DGKB: variants seen among roughly 807,000 people sequenced by gnomAD.
DGKB encodes diacylglycerol kinase beta.
A neutral mutation model predicts 114.3 loss-of-function variants in DGKB; 67 were observed. The ratio of observed to expected loss-of-function variants is 0.59; its 90% CI spans 0.48 to 0.72. The LOEUF is 0.72. Among genes scored for constraint, DGKB ranks in the 30% least tolerant of loss-of-function variants. The probability of loss-of-function intolerance (pLI) is 0.00; values close to 1 mark genes in which losing one functional copy is unlikely to be tolerated. For missense variants in DGKB, 907 were observed against 975.2 expected (o/e 0.93, Z 0.93); for synonymous variants, 398 against 323.1 (o/e 1.23, Z -2.49).
chr7:14,283,928 C>A (rs1338573904), intron 23 of DGKB, among the ~76,000 whole-genome samples: 1 of 152,058 alleles, frequency 6.6e-6, no homozygotes, highest in Admixed American at 6.6e-5. Flanking sequence ...AAAACCTAGG[C>A]ATTACCATTC....
chr7:14,163,909 C>T (rs13227504), intron 25 of DGKB, among the ~76,000 whole-genome samples: 6,077 of 151,952 alleles, frequency 0.04, 185 homozygotes, highest in Non-Finnish European at 0.064. Context: ...GCAGGAGAAT[C>T]GCTTGAACCT....
intron 17 of DGKB, among the ~76,000 whole-genome samples, chr7:14,602,115 A>G (rs1803658882): frequency 6.6e-6 from 1 of 152,208 alleles, no homozygotes; most frequent in Admixed American, 6.5e-5. Flanking sequence ...TAGCAGCTAT[A>G]ACAAACTACT....
chr7:14,758,063 A>T (rs1226564571), intron 2 of DGKB, among the ~76,000 whole-genome samples: 1 of 152,106 alleles, frequency 6.6e-6, no homozygotes, highest in Admixed American at 6.6e-5. Context: ...CTCTGTATAC[A>T]TAACACAACT....
At chr7:14,704,381 G>C (rs1324173230) in intron 6 of DGKB, among the ~76,000 whole-genome samples, 2 of 149,380 alleles carry the variant, frequency 1.3e-5, no homozygotes, top group African/African-American at 5.0e-5. Context: ...CAGGGAGGCG[G>C]AGCTTGCAGT....
At chr7:14,192,475 T>G (rs1037376609) in intron 23 of DGKB, among the ~76,000 whole-genome samples, 25 of 152,250 alleles carry the variant, frequency 1.6e-4, no homozygotes, top group African/African-American at 5.5e-4. Flanking sequence ...CACAAATAAA[T>G]GGAAAGACAT....
intron 20 of DGKB, 42 bp downstream of exon 20, chr7:14,574,170 T>C (rs1187082626): frequency 2.0e-6 from 3 of 1,517,796 alleles, no homozygotes; most frequent in African/African-American, 1.4e-5. Flanking sequence ...ACTGTGATTA[T>C]ACAGTACAGG....
At position 14,496,350 on chromosome 7, in the gene DGKB, AAGAT is replaced by A. The variant is rs572811651; in HGVS notation, c.1771-18129_1771-18126del. 4.1e-3 allele frequency among the ~76,000 whole-genome samples: 629 copies of A among 151,870 alleles called. 12 individuals are homozygous for A. Among genetic ancestry groups the A allele is most frequent in the Non-Finnish European group, 8.1e-4 (55 of 67,778 alleles). On this transcript the variant is annotated intron_variant, in intron 20 of 25. Coordinates refer to ENST00000402815, the MANE Select transcript of DGKB (RefSeq NM_001350709.2). ...AAAATATAAAAGTTTAAAAGGTGGT[AAGAT>A]AGATGGATGGGTATTTGTTTCTCAG...
chr7:14,948,989 G>A (rs1273271124), intron 1 of DGKB, among the ~76,000 whole-genome samples: 2 of 151,708 alleles, frequency 1.3e-5, no homozygotes, highest in Admixed American at 6.6e-5. Context: ...GAACCCAGAT[G>A]AGTGATTTAA....
chr7:14,263,191 A>G (rs995808133), intron 23 of DGKB, among the ~76,000 whole-genome samples: 2 of 152,158 alleles, frequency 1.3e-5, no homozygotes, highest in East Asian at 1.9e-4. Flanking sequence ...ACCGTTTTCT[A>G]TGTGCCCGAG....
intron 23 of DGKB, among the ~76,000 whole-genome samples, chr7:14,308,199 T>C (rs1329323819): frequency 1.3e-5 from 2 of 152,104 alleles, no homozygotes; most frequent in Non-Finnish European, 2.9e-5. Flanking sequence ...TTTCATGTCA[T>C]AAACATTTTC....
At chr7:14,520,571 T>C (rs1018180359) in intron 20 of DGKB, among the ~76,000 whole-genome samples, 6 of 152,028 alleles carry the variant, frequency 3.9e-5, no homozygotes, top group African/African-American at 1.2e-4. Flanking sequence ...TTTGTGGTTT[T>C]TTTTGATCCA....
At chr7:14,942,835 C>G (rs1460549276) in intron 1 of DGKB, among the ~76,000 whole-genome samples, 1 of 151,996 alleles carries the variant, frequency 6.6e-6, no homozygotes, top group Non-Finnish European at 1.5e-5. Context: ...ATACCTTTTG[C>G]ATTTCACTTG....
intron 20 of DGKB, among the ~76,000 whole-genome samples, chr7:14,572,882 G>A (rs62443552): frequency 0.014 from 2,160 of 152,248 alleles, 47 homozygotes; most frequent in Middle Eastern, 0.024. Context: ...GGTTACATGA[G>A]TAAGTCCTTT....
chr7:14,476,953 T>G (rs1033470432), intron 21 of DGKB, among the ~76,000 whole-genome samples: 1 of 151,996 alleles, frequency 6.6e-6, no homozygotes, highest in African/African-American at 2.4e-5. Flanking sequence ...GGTTTCCTCA[T>G]GTTGGTCAGG....
intron 17 of DGKB, among the ~76,000 whole-genome samples, chr7:14,605,539 T>C (rs1453379372): frequency 6.6e-6 from 1 of 151,768 alleles, no homozygotes; most frequent in Non-Finnish European, 1.5e-5. Context: ...TTTAAATTTT[T>C]TTCTAAATAA....
chr7:14,500,765 G>C (rs558094658), intron 20 of DGKB, among the ~76,000 whole-genome samples: 1 of 151,934 alleles, frequency 6.6e-6, no homozygotes, highest in South Asian at 2.1e-4. Context: ...TACTGGTGAA[G>C]ATTTGAAGGA....
chr7:14,886,203 G>C (rs567954195), intron 1 of DGKB, among the ~76,000 whole-genome samples: 1 of 151,822 alleles, frequency 6.6e-6, no homozygotes, highest in Non-Finnish European at 1.5e-5. Flanking sequence ...AAGATTAAAA[G>C]ATAGAATTTC....
chr7:14,391,621 C>G (rs1821335220), intron 21 of DGKB, among the ~76,000 whole-genome samples: 1 of 152,028 alleles, frequency 6.6e-6, no homozygotes, highest in Non-Finnish European at 1.5e-5. Flanking sequence ...ATCACTTGAG[C>G]CTGGCAGGTT....
intron 1 of DGKB, among the ~76,000 whole-genome samples, chr7:14,932,859 G>A (rs1785093447): frequency 6.6e-6 from 1 of 152,072 alleles, no homozygotes; most frequent in Non-Finnish European, 1.5e-5. Context: ...GAGGCTGGGG[G>A]AAAAAAGAGG....
Sources: allele counts gnomAD v4.1 joint callset (sites outside exome capture counted in the v4.1 genomes callset), GRCh38; gene constraint gnomAD v4.1.1; transcripts MANE v1.5; gene names NCBI Gene and HGNC (gene_info 2026-07-23, HGNC 2026-07-21).